WWP1: variants seen among roughly 807,000 people sequenced by gnomAD.
The protein encoded by WWP1 is WW domain containing E3 ubiquitin protein ligase 1.
WWP1 carries 49 observed loss-of-function variants against 130.6 expected under a neutral mutation model. The observed-to-expected ratio is 0.38, with a 90% CI of 0.30 to 0.48. The LOEUF (loss-of-function observed/expected upper bound fraction) is 0.48, where lower values mean the gene tolerates loss of function less well. Among genes scored for constraint, WWP1 ranks in the 20% least tolerant of loss-of-function variants. The pLI is 0.99. For missense variants in WWP1, 809 were observed against 1,100.6 expected, an observed-to-expected ratio of 0.74 and a Z score of 3.75; for synonymous variants, 332 against 367.8, an observed-to-expected ratio of 0.90 and a Z score of 1.11.
At chr8:86,430,630 G>T in intron 11 of WWP1, 67 bp from the exon 12 acceptor site, 2 of 1,305,632 alleles carry the variant, frequency 1.5e-6, no homozygotes, top group Non-Finnish European at 2.1e-6. Flanking sequence ...CACATGCTTG[G>T]CTTATTTCTA....
rs989588813 is a variant in WWP1, at chr8:86,422,404, C to G, written c.1062-2819C>G. The stretch of plus-strand genomic sequence containing the variant: ...TTAAGACAGAGTCTTGCCCTGTCAC[C>G]CAGGCTGGAGTGCGGTGCAATCTTG... On this transcript the variant is annotated intron_variant, in intron 9 of 24. Transcript: ENST00000517970. Among the ~76,000 whole-genome samples, 8 of 150,828 alleles carry G rather than the reference C, an allele frequency of 5.3e-5. No individual in the cohort carries two copies. In the East Asian group the frequency reaches 1.6e-3, roughly 30 times the overall value.
chr8:86,443,133 T>C (rs1810680044), intron 18 of WWP1, among the ~76,000 whole-genome samples: 1 of 152,082 alleles, frequency 6.6e-6, no homozygotes, highest in Non-Finnish European at 1.5e-5. Context: ...AGTGCAGTGG[T>C]GTGATCTCAG....
At chr8:86,345,651 A>T (rs1822534424) in intron 1 of WWP1, among the ~76,000 whole-genome samples, 1 of 151,882 alleles carries the variant, frequency 6.6e-6, no homozygotes, top group Admixed American at 6.6e-5. Context: ...AGCTCAAGTG[A>T]TCAGCTTGCC....
chr8:86,438,802 A>C lies in WWP1; in HGVS notation c.1838+129A>C, dbSNP rs556235396. The C allele has an allele frequency of 5.8e-4, 382 of 655,684 alleles. 11 individuals carry two copies. In the South Asian group the frequency reaches 0.01, roughly 17 times the overall value. 40.6% of individuals were successfully genotyped at this position (655,684 alleles called of 1,614,324 possible). ...ATTAACAATCCAGAATTTTTCTCAA[A>C]AATACACACGGTAACCATTATTATT... On this transcript the variant is annotated intron_variant, in intron 17 of 24. Transcript: ENST00000517970.
intron 1 of WWP1, among the ~76,000 whole-genome samples, chr8:86,362,036 A>ACATATATAT (rs1431447258): frequency 7.5e-6 from 1 of 132,900 alleles, no homozygotes; most frequent in Non-Finnish European, 1.6e-5. Flanking sequence ...ATATACACAC[A>ACATATATAT]CATATATATA....
At chr8:86,400,697 G>A (rs1807926925) in intron 7 of WWP1, among the ~76,000 whole-genome samples, 1 of 152,074 alleles carries the variant, frequency 6.6e-6, no homozygotes, top group East Asian at 1.9e-4. Flanking sequence ...TTACCACCTG[G>A]CATATAATAA....
At chr8:86,357,853 C>T (rs185781486) in intron 1 of WWP1, among the ~76,000 whole-genome samples, 6 of 152,260 alleles carry the variant, frequency 3.9e-5, no homozygotes, top group Middle Eastern at 3.4e-3. Context: ...CTCCATGGAA[C>T]GATAGTTTTC....
At chr8:86,377,239 G>T (rs117842529) in intron 3 of WWP1, among the ~76,000 whole-genome samples, 111 of 148,240 alleles carry the variant, frequency 7.5e-4, no homozygotes, top group Non-Finnish European at 1.4e-3. Flanking sequence ...GTGCATGCCA[G>T]CATTCCTGTC....
rs776275901 is a variant in WWP1 at position 86,435,540 on chromosome 8, T to C, written c.1677+13T>C. ...TTATTTGTGCCAGGTACTATAGTGG[T>C]AAATAAATCTTATACTCAATAATTT... On this transcript the variant is annotated intron_variant, in intron 15 of 24. Coordinates refer to ENST00000517970, the MANE Select transcript of WWP1 (RefSeq NM_007013.4). 1 of 1,614,024 alleles carries C rather than the reference T, an allele frequency of 6.2e-7. No individual in the cohort carries two copies. Among genetic ancestry groups the C allele is most frequent in the Non-Finnish European group, 8.5e-7 (1 of 1,179,900 alleles).
At chr8:86,362,629 T>G (rs752496220) in intron 1 of WWP1, among the ~76,000 whole-genome samples, 1 of 152,070 alleles carries the variant, frequency 6.6e-6, no homozygotes, top group Non-Finnish European at 1.5e-5. Flanking sequence ...CCAAATCTGT[T>G]TGATGACCAA....
intron 14 of WWP1, 35 bp from the exon 15 acceptor site, chr8:86,435,417 A>T: frequency 6.3e-7 from 1 of 1,599,592 alleles, no homozygotes; most frequent in South Asian, 1.1e-5. Flanking sequence ...CAACTTTATT[A>T]TGAGTTAATT....
intron 21 of WWP1, among the ~76,000 whole-genome samples, chr8:86,455,305 A>C (rs1040750443): frequency 2.6e-5 from 4 of 151,988 alleles, no homozygotes; most frequent in African/African-American, 9.7e-5. Context: ...CTTCTATTCA[A>C]TATTTTACCA....
intron 20 of WWP1, among the ~76,000 whole-genome samples, chr8:86,451,574 AAGTTGG>A (rs772875045): frequency 4.0e-5 from 6 of 151,506 alleles, no homozygotes; most frequent in African/African-American, 9.8e-5. Flanking sequence ...ATGGGAAGAA[AAGTTGG>A]AGTTGGAGTT....
intron 1 of WWP1, among the ~76,000 whole-genome samples, chr8:86,346,614 C>T (rs998015620): frequency 7.2e-5 from 11 of 152,102 alleles, no homozygotes; most frequent in African/African-American, 2.7e-4. Context: ...GTTGACTTTT[C>T]TGCACCTGTA....
chr8:86,449,724 AC>A (rs1371213544), intron 20 of WWP1, among the ~76,000 whole-genome samples: 1 of 151,954 alleles, frequency 6.6e-6, no homozygotes, highest in African/African-American at 2.4e-5. Context: ...TACCATTTTC[AC>A]CCTCTTAGAT....
chr8:86,410,049 G>A (rs1317412352), intron 8 of WWP1, among the ~76,000 whole-genome samples: 1 of 152,100 alleles, frequency 6.6e-6, no homozygotes, highest in Non-Finnish European at 1.5e-5. Context: ...TCTGCTAACA[G>A]TAGATTTTCT....
chr8:86,405,441 G>A (rs925733261), intron 8 of WWP1, among the ~76,000 whole-genome samples: 1 of 150,092 alleles, frequency 6.7e-6, no homozygotes, highest in African/African-American at 2.5e-5. Context: ...TCTACATTTC[G>A]CTGCAGAAAT....
intron 24 of WWP1, among the ~76,000 whole-genome samples, chr8:86,462,361 G>T (rs1448925824): frequency 6.6e-6 from 1 of 152,174 alleles, no homozygotes; most frequent in Non-Finnish European, 1.5e-5. Context: ...CAGAAATGCT[G>T]AAGTAAACAA....
At chr8:86,405,963 T>A (rs1808256618) in intron 8 of WWP1, among the ~76,000 whole-genome samples, 1 of 152,214 alleles carries the variant, frequency 6.6e-6, no homozygotes, top group Non-Finnish European at 1.5e-5. Flanking sequence ...TCAAAGACAT[T>A]ATTATATATG....
Sources: allele counts gnomAD v4.1 joint callset (sites outside exome capture counted in the v4.1 genomes callset), GRCh38; gene constraint gnomAD v4.1.1; transcripts MANE v1.5; gene names NCBI Gene and HGNC (gene_info 2026-07-23, HGNC 2026-07-21).